The following BSN variants were observed in gnomAD, a reference collection of about 807,000 sequenced individuals.
The protein encoded by BSN is protein bassoon.
A neutral mutation model predicts 264.8 loss-of-function variants in BSN; 57 were observed. The observed-to-expected ratio is 0.22, with a 90% CI of 0.17 to 0.27. The LOEUF is 0.27. Among genes scored for constraint, BSN ranks in the 10% least tolerant of loss-of-function variants. The probability of loss-of-function intolerance (pLI) is 1.00; values close to 1 mark genes in which losing one functional copy is unlikely to be tolerated. For missense variants in BSN, 4,615 were observed against 5,232.5 expected (o/e 0.88, Z 3.64); for synonymous variants, 2,059 against 2,137.3 (o/e 0.96, Z 1.01).
At chr3:49,572,690 C>T (rs1355789946) in intron 1 of BSN, among the ~76,000 whole-genome samples, 5 of 152,270 alleles carry the variant, frequency 3.3e-5, no homozygotes, top group South Asian at 4.1e-4. Flanking sequence ...CCCGCCACCA[C>T]GCCCGGCTAA....
chr3:49,554,998 A>G (rs2051654057), intron 1 of BSN, among the ~76,000 whole-genome samples, 172 bp downstream of exon 1: 1 of 152,128 alleles, frequency 6.6e-6, no homozygotes. Context: ...CTTCCTTTCC[A>G]GCTGCCCCGC....
chr3:49,603,979 T>C (rs2052091795), intron 1 of BSN, among the ~76,000 whole-genome samples: 1 of 152,216 alleles, frequency 6.6e-6, no homozygotes, highest in Non-Finnish European at 1.5e-5. Flanking sequence ...GGCCTAATGT[T>C]TTTAAGGTTC....
At position 49,651,099 on chromosome 3, in the gene BSN, C is replaced by A; in HGVS notation, c.1986+20C>A. 1 of 1,589,146 alleles carries A rather than the reference C, an allele frequency of 6.3e-7. No individual in the cohort carries two copies. The highest frequency in any genetic ancestry group is 1.1e-5 in the South Asian group (1 of 88,382). ...GCGGAGGTCAGTCCCATTCACTTCC[C>A]AGAGACCCTAGCTTTCAGACAGGAC... On this transcript the variant is annotated intron_variant, in intron 4 of 11. Coordinates refer to ENST00000296452, the MANE Select transcript of BSN (RefSeq NM_003458.4). The surrounding 1 kb of genome is among the most constrained non-coding windows in gnomAD (Gnocchi z 5.4).
intron 1 of BSN, among the ~76,000 whole-genome samples, chr3:49,568,153 C>T (rs941805606): frequency 3.9e-5 from 6 of 152,150 alleles, no homozygotes; most frequent in South Asian, 2.1e-4. Flanking sequence ...AAGGAGGGGA[C>T]GTGGACTCTG....
chr3:49,607,362 C>T (rs1431691341), intron 1 of BSN, among the ~76,000 whole-genome samples: 1 of 152,230 alleles, frequency 6.6e-6, no homozygotes, highest in African/African-American at 2.4e-5. Context: ...TCTGTTGGCT[C>T]AGTCTGGCCC....
At chr3:49,577,830 G>A (rs1421277217) in intron 1 of BSN, among the ~76,000 whole-genome samples, 3 of 152,142 alleles carry the variant, frequency 2.0e-5, no homozygotes, top group Admixed American at 6.5e-5. Context: ...ATGAGCCAAC[G>A]CGTCAGCTTG....
intron 1 of BSN, among the ~76,000 whole-genome samples, chr3:49,577,183 C>G (rs2051851077): frequency 6.6e-6 from 1 of 152,178 alleles, no homozygotes; most frequent in African/African-American, 2.4e-5. Context: ...CGAATTTCTT[C>G]GCTATCTTGC....
chr3:49,583,003 C>T (rs1432537089), intron 1 of BSN, among the ~76,000 whole-genome samples: 2 of 148,340 alleles, frequency 1.3e-5, no homozygotes, highest in East Asian at 4.0e-4. Context: ...GGGTCTTGCT[C>T]TGTTCCCAAG....
chr3:49,655,307 C>G lies in BSN; in HGVS notation c.5751C>G (p.Phe1917Leu). The change falls in exon 5 of 12, where the codon TTC becomes TTG. Residue 1917 changes from phenylalanine to leucine, a missense_variant. Coordinates refer to ENST00000296452, the MANE Select transcript of BSN (RefSeq NM_003458.4). ...LPFGSSCTGT[F>L]HPAPSVPEKS... Reference sequence around the variant, plus strand: ...TTGGCAGCAGCTGCACTGGCACCTTCCACCCGGCCCCCAGTGTGCCTGAGA... The same window carrying G: ...TTGGCAGCAGCTGCACTGGCACCTTGCACCCGGCCCCCAGTGTGCCTGAGA... 1 of 1,611,468 alleles carries G rather than the reference C, an allele frequency of 6.2e-7. No individual in the cohort carries two copies. Among genetic ancestry groups the G allele is most frequent in the Non-Finnish European group, 8.5e-7 (1 of 1,179,140 alleles).
At chr3:49,565,144 C>CTTTTTTT (rs971015437) in intron 1 of BSN, among the ~76,000 whole-genome samples, 5 of 104,578 alleles carry the variant, frequency 4.8e-5, no homozygotes, top group Non-Finnish European at 7.7e-5. Context: ...AGAGGATTTT[C>CTTTTTTT]TTTTTTTTTT....
At chr3:49,616,479 C>CT (rs1258403989) in intron 1 of BSN, among the ~76,000 whole-genome samples, 19 of 152,254 alleles carry the variant, frequency 1.2e-4, no homozygotes, top group African/African-American at 4.3e-4. Flanking sequence ...TCTGGCCACT[C>CT]TGACTTAGAG....
At chr3:49,567,531 G>A (rs1274233738) in intron 1 of BSN, among the ~76,000 whole-genome samples, 1 of 152,218 alleles carries the variant, frequency 6.6e-6, no homozygotes, top group Non-Finnish European at 1.5e-5. Context: ...TCCCTGGACA[G>A]CAGTCTAGCT....
intron 1 of BSN, among the ~76,000 whole-genome samples, chr3:49,618,808 G>A (rs1254829958): frequency 6.6e-6 from 1 of 152,110 alleles, no homozygotes; most frequent in Non-Finnish European, 1.5e-5. Flanking sequence ...ACTGGACCAT[G>A]CAGCAGTGTG....
chr3:49,568,894 G>A (rs2051774125), intron 1 of BSN, among the ~76,000 whole-genome samples: 1 of 152,204 alleles, frequency 6.6e-6, no homozygotes, highest in Non-Finnish European at 1.5e-5. Context: ...AAAGGCAGAA[G>A]CAATAATATT....
At chr3:49,589,390 AT>A (rs1176539100) in intron 1 of BSN, among the ~76,000 whole-genome samples, 2 of 152,056 alleles carry the variant, frequency 1.3e-5, no homozygotes, top group East Asian at 1.9e-4. Context: ...GTTTTGCATC[AT>A]GAATTTTGGG....
chr3:49,592,638 C>G (rs2108025469), intron 1 of BSN, among the ~76,000 whole-genome samples: 1 of 151,160 alleles, frequency 6.6e-6, no homozygotes, highest in South Asian at 2.1e-4. Flanking sequence ...GTAGTCCCAG[C>G]TACTCGGGAG....
chr3:49,623,758 C>G (rs2052321361), intron 1 of BSN, among the ~76,000 whole-genome samples: 1 of 152,186 alleles, frequency 6.6e-6, no homozygotes, highest in Non-Finnish European at 1.5e-5. Flanking sequence ...CAGGAGATGG[C>G]ATTAACTAGG....
At chr3:49,607,308 G>T (rs751977809) in intron 1 of BSN, among the ~76,000 whole-genome samples, 25 of 152,192 alleles carry the variant, frequency 1.6e-4, no homozygotes, top group Non-Finnish European at 3.4e-4. Context: ...TGCCTACTGG[G>T]CATTTGGCAC....
intron 2 of BSN, among the ~76,000 whole-genome samples, chr3:49,634,348 T>G (rs552068281): frequency 1.5e-4 from 23 of 152,354 alleles, no homozygotes; most frequent in Non-Finnish European, 2.8e-4. Flanking sequence ...CACTGACCTG[T>G]ACACTTAAAA....
Sources: allele counts gnomAD v4.1 joint callset (sites outside exome capture counted in the v4.1 genomes callset), GRCh38; gene constraint gnomAD v4.1.1; non-coding constraint Gnocchi (gnomAD v3.1); transcripts MANE v1.5; gene names NCBI Gene and HGNC (gene_info 2026-07-23, HGNC 2026-07-21).